Variants in SF3B1 observed in about 807,000 individuals in gnomAD.
SF3B1 encodes the protein splicing factor 3b subunit 1.
A neutral mutation model predicts 153.8 loss-of-function variants in SF3B1; 12 were observed. The ratio of observed to expected loss-of-function variants is 0.08; its 90% CI spans 0.05 to 0.13. The LOEUF is 0.13. SF3B1 is among the 10% of genes least tolerant of loss of function. The pLI is 1.00. For synonymous variants in SF3B1, 498 were observed against 525.2 expected, an observed-to-expected ratio of 0.95 and a Z score of 0.71; for missense variants, 513 against 1,606.1, an observed-to-expected ratio of 0.32 and a Z score of 11.63.
chr2:197,392,279 T>A lies in SF3B1; in HGVS notation c.*24A>T, dbSNP rs749888349. ...GTTTAAGGTGTGAAGTAGCTGTGCATTAAACACAAAATAAACAATAAAATT... is the reference window on the plus strand; with the variant it reads ...GTTTAAGGTGTGAAGTAGCTGTGCAATAAACACAAAATAAACAATAAAATT... On this transcript the variant is annotated 3_prime_UTR_variant, in exon 25 of 25. Coordinates refer to ENST00000335508, the MANE Select transcript of SF3B1 (RefSeq NM_012433.4). 8.2e-6 allele frequency: 8 copies of A among 971,810 alleles called. No homozygotes were observed. The East Asian group carries it at 1.9e-4, about 23-fold the overall frequency. 60.2% of individuals were successfully genotyped at this position (971,810 alleles called of 1,614,324 possible). A position where few individuals can be genotyped will look rare whatever the true frequency, so the allele number is the denominator to read the frequency against.
At chr2:197,420,386 A>T in intron 4 of SF3B1, 42 bp downstream of exon 4, 1 of 1,463,350 alleles carries the variant, frequency 6.8e-7, no homozygotes, top group Non-Finnish European at 9.6e-7. Flanking sequence ...ACTTAATACA[A>T]ATAAATTTCT....
chr2:197,417,880 T>C (rs1167456358), intron 5 of SF3B1, among the ~76,000 whole-genome samples: 1 of 152,028 alleles, frequency 6.6e-6, no homozygotes, highest in Non-Finnish European at 1.5e-5. Context: ...CACACTGAAC[T>C]CTGACTTTTC....
intron 23 of SF3B1, among the ~76,000 whole-genome samples, chr2:197,393,771 G>A (rs2084842185): frequency 6.6e-6 from 1 of 152,122 alleles, no homozygotes; most frequent in African/African-American, 2.4e-5. Flanking sequence ...CTTTTAAAAG[G>A]AATATGAGCA....
chr2:197,409,962 G>A lies in SF3B1; in HGVS notation c.712C>T (p.Arg238Cys), dbSNP rs753336076. The change falls in exon 7 of 25, where the codon CGT becomes TGT. Residue 238 changes from arginine to cysteine, a missense_variant. Coordinates refer to ENST00000335508, the MANE Select transcript of SF3B1 (RefSeq NM_012433.4). ...CCAGGAGTCTCGCTTCCCTTTGCAC[G>A]ACCTGGTGTCTCATCCCATCTTAAG... Reference protein sequence around the residue: ...PSLRWDETPGRAKGSETPGAT... With the variant: ...PSLRWDETPGCAKGSETPGAT... 3 of 1,614,090 alleles carry A rather than the reference G, an allele frequency of 1.9e-6. No individual in the cohort carries two copies. Among genetic ancestry groups the A allele is most frequent in the Non-Finnish European group, 1.7e-6 (2 of 1,180,028 alleles).
chr2:197,400,344 A>G lies in SF3B1; in HGVS notation c.2809T>C (p.Leu937=). 1 of 1,614,086 alleles carries G rather than the reference A, an allele frequency of 6.2e-7. No homozygotes were observed. The highest frequency in any genetic ancestry group is 8.5e-7 in the Non-Finnish European group (1 of 1,179,946). ...GCAGATTTGTTATTTAAACGCCACA[A>G]AACTGTACCACAGATCTGAGGCAAG... ...PYLPQICGTV[L]WRLNNKSAKV... Residue 937 remains leucine, a synonymous_variant, in exon 19 of 25, where the codon TTG becomes CTG. Coordinates refer to ENST00000335508, the MANE Select transcript of SF3B1 (RefSeq NM_012433.4). The surrounding 1 kb of genome is among the most constrained non-coding windows in gnomAD (Gnocchi z 5.0).
chr2:197,412,947 G>A (rs900288972), intron 6 of SF3B1, among the ~76,000 whole-genome samples: 1 of 140,148 alleles, frequency 7.1e-6, no homozygotes, highest in Non-Finnish European at 1.5e-5. Flanking sequence ...TCTAGTCTGG[G>A]TGACAGAGCA....
At chr2:197,416,940 A>G in intron 5 of SF3B1, 29 bp from the exon 6 acceptor site, 1 of 1,590,440 alleles carries the variant, frequency 6.3e-7, no homozygotes, top group Non-Finnish European at 8.6e-7. Context: ...ATTTACCTTT[A>G]AAATGCTTTC....
intron 9 of SF3B1, 90 bp from the exon 10 acceptor site, chr2:197,405,562 T>A: frequency 1.1e-6 from 1 of 905,054 alleles, no homozygotes; most frequent in Non-Finnish European, 1.7e-6. Flanking sequence ...TTTAGTTTAT[T>A]AGCTAATAAG....
At chr2:197,407,409 A>G (rs759350131) in intron 9 of SF3B1, among the ~76,000 whole-genome samples, 4 of 152,182 alleles carry the variant, frequency 2.6e-5, no homozygotes, top group Non-Finnish European at 4.4e-5. Flanking sequence ...GTTCAAGATC[A>G]GCCTGGCCAG....
rs1469407194 is a variant in SF3B1, at chr2:197,403,011, A to G, written c.1744T>C (p.Leu582=). The change falls in exon 13 of 25, where the codon TTG becomes CTG. Residue 582 remains leucine, a synonymous_variant. Coordinates refer to ENST00000335508, the MANE Select transcript of SF3B1 (RefSeq NM_012433.4). ...HKILVVIEPL[L]IDEDYYARVE... The stretch of plus-strand genomic sequence containing the variant: ...CTAGCATAGTAATCTTCATCAATCA[A>G]TAGCGGTTCAATGACCACGAGGATC... The G allele has an allele frequency of 1.2e-6, 2 of 1,611,642 alleles. No homozygotes were observed. The highest frequency in any genetic ancestry group is 1.7e-5 in the Admixed American group (1 of 59,614).
At chr2:197,405,781 G>C (rs1363414387) in intron 9 of SF3B1, among the ~76,000 whole-genome samples, 1 of 152,054 alleles carries the variant, frequency 6.6e-6, no homozygotes, top group Non-Finnish European at 1.5e-5. Flanking sequence ...TATAAAATCT[G>C]AGTCAGCAAT....
intron 24 of SF3B1, 118 bp from the exon 25 acceptor site, chr2:197,392,579 G>GA: frequency 1.6e-5 from 5 of 310,390 alleles, no homozygotes; most frequent in South Asian, 6.1e-5. Context: ...TTGGGGGGGG[G>GA]GGAACCTACT....
At chr2:197,397,547 G>C (rs1203554612) in intron 22 of SF3B1, among the ~76,000 whole-genome samples, 1 of 152,172 alleles carries the variant, frequency 6.6e-6, no homozygotes, top group Non-Finnish European at 1.5e-5. Flanking sequence ...TGTAATCTCA[G>C]CACTTTTGGA....
chr2:197,416,256 C>G (rs368338783), intron 6 of SF3B1, among the ~76,000 whole-genome samples: 1 of 152,216 alleles, frequency 6.6e-6, no homozygotes, highest in Middle Eastern at 3.4e-3. Context: ...CTATATCATA[C>G]TCAACCTCCA....
chr2:197,414,029 A>G (rs567965759), intron 6 of SF3B1, among the ~76,000 whole-genome samples: 20 of 152,198 alleles, frequency 1.3e-4, no homozygotes, highest in African/African-American at 4.6e-4. Context: ...GCTGGTCTTG[A>G]ACGCCTGACC....
chr2:197,398,605 T>G, intron 20 of SF3B1, 24 bp from the exon 21 acceptor site: 1 of 1,604,768 alleles, frequency 6.2e-7, no homozygotes, highest in Non-Finnish European at 8.5e-7. Context: ...GTCAATAAAC[T>G]ATCAACATTT....
At position 197,400,791 on chromosome 2, in the gene SF3B1, G is replaced by A. The variant is rs2105982578; in HGVS notation, c.2642C>T (p.Ala881Val). ...TIEKIMGNLG[A>V]ADIDHKLEEQ... ...TTCAAGTTTATGATCAATATCTGCT[G>A]CTCCCAAATTACCCATAATTTTCTC... The change falls in exon 18 of 25, where the codon GCA (alanine) becomes GTA (valine). Residue 881 changes from alanine (A) to valine (V), a missense_variant. Physicochemically the swap from Ala to Val is moderately conservative, Grantham distance 64. This residue lies in a region of SF3B1 where 14 missense variants were observed against 17.4 expected (regional missense o/e 0.80). Transcript: ENST00000335508. This position sits in a 1 kb window ranked among gnomAD's most constrained non-coding sequence, Gnocchi z 5.0. 1 of 1,612,956 alleles carries A rather than the reference G, an allele frequency of 6.2e-7. No individual in the cohort carries two copies. Among genetic ancestry groups the A allele is most frequent in the Non-Finnish European group, 8.5e-7 (1 of 1,179,146 alleles).
chr2:197,432,145 T>C (rs1317136033), intron 1 of SF3B1, among the ~76,000 whole-genome samples: 2 of 151,862 alleles, frequency 1.3e-5, no homozygotes. Context: ...CAGGAAAAAA[T>C]ATATAGATCA....
chr2:197,416,717 TAAC>T (rs769998455), intron 6 of SF3B1, 21 bp downstream of exon 6: 4 of 1,594,360 alleles, frequency 2.5e-6, no homozygotes, highest in Non-Finnish European at 3.4e-6. Context: ...TTAACAGTAA[TAAC>T]AAAAAACAAA....
Sources: gnomAD v4.1 joint callset for allele counts (sites outside exome capture counted in the v4.1 genomes callset) on GRCh38, gnomAD v4.1.1 for gene constraint, gnomAD v4.1.1 regional missense constraint, Gnocchi (gnomAD v3.1) non-coding constraint, MANE v1.5 for transcripts, NCBI Gene and HGNC (gene_info 2026-07-23, HGNC 2026-07-21) for gene names.